The following GNAI1 variants were observed in gnomAD, a reference collection of about 807,000 sequenced individuals.
The protein encoded by GNAI1 is G protein subunit alpha i1.
GNAI1 carries 11 observed loss-of-function variants against 38.9 expected under a neutral mutation model. The observed-to-expected ratio is 0.28, with a 90% CI of 0.18 to 0.47. The LOEUF (loss-of-function observed/expected upper bound fraction) is 0.47. GNAI1 is among the 20% of genes least tolerant of loss of function. The pLI is 0.99. For synonymous variants in GNAI1, 166 were observed against 145.1 expected (o/e 1.14, Z -1.04); for missense variants, 317 against 436.9 (o/e 0.73, Z 2.45).
At chr7:80,154,712 A>G (rs1368279822) in intron 1 of GNAI1, among the ~76,000 whole-genome samples, 3 of 152,186 alleles carry the variant, frequency 2.0e-5, no homozygotes, top group East Asian at 3.9e-4. Flanking sequence ...TGATGTGCAC[A>G]TTGTATATTT....
rs1174898408 is a variant in GNAI1, at chr7:80,219,224, T to C, written c.*1731T>C. 2.0e-5 allele frequency: 3 copies of C among 152,596 alleles called. No homozygotes were observed. The highest frequency in any genetic ancestry group is 4.4e-5 in the Non-Finnish European group (3 of 68,022). 9.5% of individuals were successfully genotyped at this position (152,596 alleles called of 1,614,324 possible). A position where few individuals can be genotyped will look rare whatever the true frequency, so the allele number is the denominator to read the frequency against. ...TAATTTTACTGGTGGACCTGTAATATCCACATTGTGAAGCTGTGTATGAAA... is the reference window on the plus strand; with the variant it reads ...TAATTTTACTGGTGGACCTGTAATACCCACATTGTGAAGCTGTGTATGAAA... On this transcript the variant is annotated 3_prime_UTR_variant, in exon 8 of 8. Transcript: ENST00000649796.
intron 1 of GNAI1, among the ~76,000 whole-genome samples, chr7:80,151,381 C>T (rs946530158): frequency 6.6e-6 from 1 of 151,996 alleles, no homozygotes; most frequent in Non-Finnish European, 1.5e-5. Context: ...ATGTTTCTCA[C>T]TTCTAGATAA....
At position 80,135,293 on chromosome 7, in the gene GNAI1, G is replaced by T. The variant is rs1289785744; in HGVS notation, c.118+15G>T. The T allele has an allele frequency of 7.1e-7, 1 of 1,411,532 alleles. No individual in the cohort carries two copies. Among genetic ancestry groups the T allele is most frequent in the Non-Finnish European group, 9.3e-7 (1 of 1,071,588 alleles). The allele number at this position is 1,411,532 out of a possible 1,614,324, so 87.4% of individuals were successfully genotyped here. ...GCTGCTGCTCGGTAAGGGCGGCCGG[G>T]TCGGGGCCCGGGGGTCGGCGGGGGA... is the stretch of plus-strand genomic sequence containing the variant. On this transcript the variant is annotated intron_variant, in intron 1 of 7. Transcript: ENST00000649796.
intron 7 of GNAI1, among the ~76,000 whole-genome samples, chr7:80,214,679 C>T (rs1045670137): frequency 3.3e-5 from 5 of 152,130 alleles, no homozygotes; most frequent in African/African-American, 9.7e-5. Context: ...TTGCTTCAGC[C>T]GCAACTCTCA....
At chr7:80,152,737 AT>A (rs892230498) in intron 1 of GNAI1, among the ~76,000 whole-genome samples, 1 of 151,182 alleles carries the variant, frequency 6.6e-6, no homozygotes, top group African/African-American at 2.4e-5. Context: ...ATTTTTAAAT[AT>A]TTTTTTAGTA....
intron 3 of GNAI1, among the ~76,000 whole-genome samples, chr7:80,193,884 T>G (rs544434577): frequency 6.6e-6 from 1 of 152,336 alleles, no homozygotes; most frequent in African/African-American, 2.4e-5. Context: ...ACAGATAGCT[T>G]GAGAAGCACT....
chr7:80,163,775 C>T (rs936480916), intron 1 of GNAI1, among the ~76,000 whole-genome samples: 8 of 152,140 alleles, frequency 5.3e-5, no homozygotes, highest in African/African-American at 1.9e-4. Flanking sequence ...CCTACGTAAA[C>T]TGGAGGCCAG....
intron 1 of GNAI1, among the ~76,000 whole-genome samples, chr7:80,177,790 C>A (rs527961786): frequency 8.2e-4 from 125 of 152,244 alleles, no homozygotes; most frequent in Non-Finnish European, 1.5e-3. Flanking sequence ...TGTTTTTACG[C>A]CTTCTAACAC....
intron 1 of GNAI1, among the ~76,000 whole-genome samples, chr7:80,165,785 C>T (rs990367889): frequency 1.3e-5 from 2 of 151,996 alleles, no homozygotes; most frequent in Non-Finnish European, 2.9e-5. Context: ...AATATAATCT[C>T]TCAAAATTTC....
chr7:80,155,620 C>T (rs1241849846), intron 1 of GNAI1, among the ~76,000 whole-genome samples: 1 of 151,920 alleles, frequency 6.6e-6, no homozygotes, highest in Non-Finnish European at 1.5e-5. Flanking sequence ...AGTGAGTAGG[C>T]TGGTGCCTTT....
Position 80,211,239 on chromosome 7 carries a change from C to G in GNAI1, c.720+141C>G, listed in dbSNP as rs1395513915. ...TTCTATTTGATAAAAGAGAGATATA[C>G]TAGAGAAGCACAGGTGGATCTTGAG... is the stretch of plus-strand genomic sequence containing the variant. On this transcript the variant is annotated intron_variant, in intron 6 of 7. Transcript: ENST00000649796. 7 of 668,758 alleles carry G rather than the reference C, an allele frequency of 1.0e-5. No individual in the cohort carries two copies. In the African/African-American group the frequency reaches 1.3e-4, roughly 12 times the overall value. The allele number at this position is 668,758 out of a possible 1,614,324, so 41.4% of individuals were successfully genotyped here. A position where few individuals can be genotyped will look rare whatever the true frequency, so the allele number is the denominator to read the frequency against.
chr7:80,186,562 T>TAC (rs2115622799), intron 1 of GNAI1, among the ~76,000 whole-genome samples: 1 of 152,364 alleles, frequency 6.6e-6, no homozygotes, highest in East Asian at 1.9e-4. Context: ...TCTTATTCTT[T>TAC]ACTATTTCTG....
At chr7:80,147,103 T>C (rs532686422) in intron 1 of GNAI1, among the ~76,000 whole-genome samples, 1 of 152,244 alleles carries the variant, frequency 6.6e-6, no homozygotes, top group African/African-American at 2.4e-5. Context: ...TGGAGTTCTT[T>C]TGATGATACG....
chr7:80,168,358 A>G (rs900454493), intron 1 of GNAI1, among the ~76,000 whole-genome samples: 3 of 152,170 alleles, frequency 2.0e-5, no homozygotes, highest in Non-Finnish European at 4.4e-5. Context: ...CAAAATATAC[A>G]TAATATTCAC....
rs925768942 is a variant in GNAI1 at position 80,179,229 on chromosome 7, C to T, written c.119-9722C>T. 2.0e-5 allele frequency among the ~76,000 whole-genome samples: 3 copies of T among 152,200 alleles called. No homozygotes were observed. In the South Asian group the frequency reaches 6.2e-4, roughly 32 times the overall value. On this transcript the variant is annotated intron_variant, in intron 1 of 7. Transcript: ENST00000649796. ...CAAGAAAAAAGGAGGTGACCTTTTT[C>T]TTCTTTTTCTTCTTAGTGGCTCTCC...
rs1789123767 is a variant in GNAI1, at chr7:80,224,219, A to G, written c.*6726A>G. 6.6e-6 allele frequency among the ~76,000 whole-genome samples: 1 copy of G among 152,230 alleles called. No homozygotes were observed. Among genetic ancestry groups the G allele is most frequent in the African/African-American group, 2.4e-5 (1 of 41,460 alleles). ...ATTGAGTGCCTACTGTGTGCTAGGT[A>G]CTTTTCTGGGTACCTTACTAATGCT... is the stretch of plus-strand genomic sequence containing the variant. On this transcript the variant is annotated 3_prime_UTR_variant, in exon 8 of 8. Transcript: ENST00000649796.
At chr7:80,198,239 A>G (rs1422782356) in intron 3 of GNAI1, among the ~76,000 whole-genome samples, 1 of 152,070 alleles carries the variant, frequency 6.6e-6, no homozygotes, top group Non-Finnish European at 1.5e-5. Context: ...TGTAATACGT[A>G]TGAAAAAATA....
rs999779057 is a variant in GNAI1, at chr7:80,225,753, A to G, written c.*8260A>G. ...ACAGTCAATAAAATCATATCTACTA[A>G]TCAATACATTTGAAGTTTACTAGAT... On this transcript the variant is annotated 3_prime_UTR_variant, in exon 8 of 8. Transcript: ENST00000649796. 1.3e-5 allele frequency among the ~76,000 whole-genome samples: 2 copies of G among 152,168 alleles called. No homozygotes were observed. The highest frequency in any genetic ancestry group is 1.5e-5 in the Non-Finnish European group (1 of 68,012).
chr7:80,219,478 C>G lies in GNAI1; in HGVS notation c.*1985C>G, dbSNP rs1789035295. The G allele has an allele frequency of 6.6e-6, 1 of 152,294 alleles. No individual in the cohort carries two copies. Among genetic ancestry groups the G allele is most frequent in the Non-Finnish European group, 1.5e-5 (1 of 68,000 alleles). The allele number at this position is 152,294 out of a possible 1,614,324, so 9.4% of individuals were successfully genotyped here. On this transcript the variant is annotated 3_prime_UTR_variant, in exon 8 of 8. Coordinates refer to ENST00000649796, the MANE Select transcript of GNAI1 (RefSeq NM_002069.6). Reference sequence around the variant, plus strand: ...TGTTGTTTCTTCATTTCTTCTTTTTCTATGCTCTTTTTACAATTTCAGCTA... The same window carrying G: ...TGTTGTTTCTTCATTTCTTCTTTTTGTATGCTCTTTTTACAATTTCAGCTA...
Sources: gnomAD v4.1 joint callset for allele counts (sites outside exome capture counted in the v4.1 genomes callset) on GRCh38, gnomAD v4.1.1 for gene constraint, MANE v1.5 for transcripts, NCBI Gene and HGNC (gene_info 2026-07-23, HGNC 2026-07-21) for gene names.